The following LRFN5 variants were observed in gnomAD, a reference collection of about 807,000 sequenced individuals.
LRFN5 encodes leucine-rich repeat and fibronectin type-III domain-containing protein 5.
LRFN5 carries 24 observed loss-of-function variants against 45.6 expected under a neutral mutation model. That is an observed-to-expected ratio of 0.53 (90% CI 0.38 to 0.74). The LOEUF (loss-of-function observed/expected upper bound fraction) is 0.74. LRFN5 is among the 30% of genes least tolerant of loss of function. The pLI is 0.00. For missense variants in LRFN5, 776 were observed against 861.5 expected (o/e 0.90, Z 1.24); for synonymous variants, 340 against 313.8 (o/e 1.08, Z -0.88).
At chr14:41,674,587 C>T (rs1398791561) in intron 1 of LRFN5, among the ~76,000 whole-genome samples, 1 of 144,830 alleles carries the variant, frequency 6.9e-6, no homozygotes, top group Non-Finnish European at 1.5e-5. Flanking sequence ...GACGGGGCGG[C>T]TGGCCGGGCA....
rs186450908 is a variant in LRFN5, at chr14:41,619,383, G to A, written c.-197+10821G>A. ...TACAATTATAATTTCATAACTTTCTGATTATTATTTATTTGCAGAAAATAA... is the reference window on the plus strand; with the variant it reads ...TACAATTATAATTTCATAACTTTCTAATTATTATTTATTTGCAGAAAATAA... On this transcript the variant is annotated intron_variant, in intron 1 of 5. Coordinates refer to ENST00000298119, the MANE Select transcript of LRFN5 (RefSeq NM_152447.5). 5.5e-4 allele frequency among the ~76,000 whole-genome samples: 84 copies of A among 151,936 alleles called. 1 individual carries two copies. The highest frequency in any genetic ancestry group is 5.4e-3 in the Admixed American group (83 of 15,244).
chr14:41,617,498 G>GTT (rs1887967524), intron 1 of LRFN5, among the ~76,000 whole-genome samples: 5 of 152,008 alleles, frequency 3.3e-5, no homozygotes, highest in Admixed American at 3.3e-4. Context: ...CAAAAAATGT[G>GTT]TTTTTAGTCT....
intron 2 of LRFN5, among the ~76,000 whole-genome samples, chr14:41,876,981 A>G (rs1404815148): frequency 6.6e-6 from 1 of 152,172 alleles, no homozygotes; most frequent in Non-Finnish European, 1.5e-5. Flanking sequence ...GTAAAGTATC[A>G]TTGTTTACAA....
In LRFN5 at chr14:41,769,455, T is replaced by TACA. The variant is rs752059741; in HGVS notation, c.-21+2427_-21+2429dup. ...TCTTAACAGCAAATGTGCCTGTAGG[T>TACA]ACATGCTTTTGAAAATACATACCTA... On this transcript the variant is annotated intron_variant, in intron 2 of 5. Transcript: ENST00000298119. Among the ~76,000 whole-genome samples the TACA allele has an allele frequency of 1.5e-4, 23 of 152,296 alleles. 2 individuals are homozygous for TACA. In the South Asian group the frequency reaches 3.1e-3, roughly 21 times the overall value.
intron 1 of LRFN5, among the ~76,000 whole-genome samples, chr14:41,733,184 C>T (rs1386142926): frequency 6.6e-6 from 1 of 152,024 alleles, no homozygotes; most frequent in Non-Finnish European, 1.5e-5. Flanking sequence ...TGAAGGCTTT[C>T]CAAATTTGAT....
chr14:41,857,857 A>G (rs1393737657), intron 2 of LRFN5, among the ~76,000 whole-genome samples: 9 of 152,180 alleles, frequency 5.9e-5, no homozygotes, highest in Non-Finnish European at 1.3e-4. Flanking sequence ...TGAAACTTGA[A>G]GTTTGAAAAT....
chr14:41,863,761 C>T (rs1182136837), intron 2 of LRFN5, among the ~76,000 whole-genome samples: 1 of 152,146 alleles, frequency 6.6e-6, no homozygotes, highest in Non-Finnish European at 1.5e-5. Context: ...GTATACACGT[C>T]GCATTGTCGT....
intron 2 of LRFN5, among the ~76,000 whole-genome samples, chr14:41,852,495 A>T (rs1889306508): frequency 6.6e-6 from 1 of 151,980 alleles, no homozygotes; most frequent in Non-Finnish European, 1.5e-5. Flanking sequence ...ACATCAAAAT[A>T]TCTAAAGCTA....
At chr14:41,810,755 C>T (rs1887708298) in intron 2 of LRFN5, among the ~76,000 whole-genome samples, 1 of 151,878 alleles carries the variant, frequency 6.6e-6, no homozygotes, top group Non-Finnish European at 1.5e-5. Context: ...AAAATAAAAA[C>T]AAAATTAAGA....
intron 1 of LRFN5, among the ~76,000 whole-genome samples, chr14:41,654,021 G>A (rs991603678): frequency 2.0e-5 from 3 of 152,004 alleles, no homozygotes; most frequent in Admixed American, 6.6e-5. Context: ...GCACAGGAAG[G>A]GGAACATCAC....
chr14:41,895,718 TC>T (rs1465840235), intron 4 of LRFN5, among the ~76,000 whole-genome samples: 3 of 151,962 alleles, frequency 2.0e-5, no homozygotes, highest in African/African-American at 7.2e-5. Flanking sequence ...TTTTTTTTTT[TC>T]CTAACCATTA....
chr14:41,658,639 A>G (rs575535206), intron 1 of LRFN5, among the ~76,000 whole-genome samples: 2 of 152,114 alleles, frequency 1.3e-5, no homozygotes, highest in African/African-American at 4.8e-5. Flanking sequence ...TTATCCTATT[A>G]AAAGGTTACA....
intron 2 of LRFN5, among the ~76,000 whole-genome samples, chr14:41,783,310 C>G (rs1009791169): frequency 6.6e-6 from 1 of 152,046 alleles, no homozygotes; most frequent in African/African-American, 2.4e-5. Context: ...GTAAATATTC[C>G]TTTGTGTGGC....
chr14:41,739,650 G>T (rs1047619304), intron 1 of LRFN5, among the ~76,000 whole-genome samples: 92 of 145,420 alleles, frequency 6.3e-4, no homozygotes, highest in Middle Eastern at 3.5e-3. Flanking sequence ...TATACCTCTA[G>T]CAACTAGAAA....
chr14:41,774,345 G>T (rs966148554), intron 2 of LRFN5, among the ~76,000 whole-genome samples: 1 of 152,128 alleles, frequency 6.6e-6, no homozygotes, highest in African/African-American at 2.4e-5. Flanking sequence ...ATTAAACTTA[G>T]AATTTCTGTG....
Position 41,887,679 on chromosome 14 carries a change from A to G in LRFN5, c.1054A>G (p.Thr352Ala), listed in dbSNP as rs762675129. 3 of 1,614,226 alleles carry G rather than the reference A, an allele frequency of 1.9e-6. No homozygotes were observed. The highest frequency in any genetic ancestry group is 2.5e-6 in the Non-Finnish European group (3 of 1,180,032). ...LDILITTVKD[T>A]GAFTCIASNP... ...CATTCTTATCACAACTGTAAAGGAT[A>G]CAGGTGCTTTTACCTGCATTGCTTC... The change falls in exon 3 of 6, where the codon ACA becomes GCA. Residue 352 changes from threonine (T) to alanine (A), a missense_variant. Coordinates refer to ENST00000298119, the MANE Select transcript of LRFN5 (RefSeq NM_152447.5). This position sits in a 1 kb window ranked among gnomAD's most constrained non-coding sequence, Gnocchi z 4.8.
chr14:41,764,995 T>A (rs1885820122), intron 1 of LRFN5, among the ~76,000 whole-genome samples: 1 of 152,038 alleles, frequency 6.6e-6, no homozygotes, highest in Admixed American at 6.6e-5. Flanking sequence ...ACTGTTAGAA[T>A]GGATGGATTC....
chr14:41,625,661 A>G (rs539269166), intron 1 of LRFN5, among the ~76,000 whole-genome samples: 3 of 152,290 alleles, frequency 2.0e-5, no homozygotes, highest in African/African-American at 7.2e-5. Context: ...AGCAAATAGC[A>G]TATACTGACC....
intron 2 of LRFN5, among the ~76,000 whole-genome samples, chr14:41,797,962 T>C (rs1456148613): frequency 6.6e-6 from 1 of 151,942 alleles, no homozygotes; most frequent in Non-Finnish European, 1.5e-5. Context: ...TTATGTAGTT[T>C]TTCATATCTT....
Sources: allele counts gnomAD v4.1 joint callset (sites outside exome capture counted in the v4.1 genomes callset), GRCh38; gene constraint gnomAD v4.1.1; non-coding constraint Gnocchi (gnomAD v3.1); transcripts MANE v1.5; gene names NCBI Gene and HGNC (gene_info 2026-07-23, HGNC 2026-07-21).